The following BRINP2 variants were observed in gnomAD, a reference collection of about 807,000 sequenced individuals.
BRINP2 encodes BMP/retinoic acid-inducible neural-specific protein 2.
In BRINP2, 21 loss-of-function variants were observed where a neutral mutation model predicts 69.2. The observed-to-expected ratio is 0.30, with a 90% CI of 0.22 to 0.44. The LOEUF (loss-of-function observed/expected upper bound fraction) is 0.44. BRINP2 is among the 20% of genes least tolerant of loss of function. The pLI is 1.00. For synonymous variants in BRINP2, 380 were observed against 394.1 expected, an observed-to-expected ratio of 0.96 and a Z score of 0.42; for missense variants, 877 against 986.0, an observed-to-expected ratio of 0.89 and a Z score of 1.48.
At chr1:177,214,170 G>A (rs1238722527) in intron 1 of BRINP2, among the ~76,000 whole-genome samples, 5 of 152,186 alleles carry the variant, frequency 3.3e-5, no homozygotes, top group African/African-American at 1.2e-4. Context: ...GGTAGCTCAT[G>A]CCTGTAATCC....
At chr1:177,253,705 T>C (rs1650658532) in intron 2 of BRINP2, among the ~76,000 whole-genome samples, 1 of 152,162 alleles carries the variant, frequency 6.6e-6, no homozygotes, top group Non-Finnish European at 1.5e-5. Flanking sequence ...TTTGAGCTGA[T>C]TTTTGTACAT....
At chr1:177,275,197 C>T (rs745539941) in intron 5 of BRINP2, 150 of 456,160 alleles carry the variant, frequency 3.3e-4, no homozygotes, top group Admixed American at 2.6e-3. Flanking sequence ...TTCCAGCAGC[C>T]GCCTTGTGAG....
intron 1 of BRINP2, among the ~76,000 whole-genome samples, chr1:177,176,816 G>A (rs1463374145): frequency 1.3e-5 from 2 of 152,142 alleles, no homozygotes; most frequent in Non-Finnish European, 1.5e-5. Context: ...CCTTTGGGAA[G>A]CATTACAGCT....
intron 2 of BRINP2, among the ~76,000 whole-genome samples, chr1:177,246,534 C>T (rs1650389078): frequency 2.0e-5 from 3 of 152,178 alleles, no homozygotes; most frequent in Admixed American, 6.5e-5. Context: ...GACAACTGTT[C>T]GGAGAATAAT....
intron 1 of BRINP2, among the ~76,000 whole-genome samples, chr1:177,213,823 T>C (rs1221246555): frequency 1.3e-5 from 2 of 152,230 alleles, no homozygotes; most frequent in East Asian, 3.9e-4. Context: ...CTTTCTTCTA[T>C]TTTATGTCCT....
At chr1:177,174,444 G>A (rs1174678334) in intron 1 of BRINP2, among the ~76,000 whole-genome samples, 2 of 152,178 alleles carry the variant, frequency 1.3e-5, no homozygotes, top group Admixed American at 1.3e-4. Flanking sequence ...AGGAAACTAG[G>A]CTCCCATCTG....
intron 1 of BRINP2, among the ~76,000 whole-genome samples, chr1:177,218,595 A>G (rs1028590257): frequency 6.6e-6 from 1 of 152,034 alleles, no homozygotes; most frequent in Non-Finnish European, 1.5e-5. Flanking sequence ...CCCATTTCCA[A>G]TGAGGTGAGA....
At chr1:177,189,225 A>G (rs1450232914) in intron 1 of BRINP2, among the ~76,000 whole-genome samples, 4 of 152,146 alleles carry the variant, frequency 2.6e-5, no homozygotes, top group African/African-American at 9.7e-5. Context: ...CAAAAACTGT[A>G]AGTAAGGAAG....
Position 177,280,622 on chromosome 1 carries a change from G to A in BRINP2, c.1446G>A (p.Pro482=), listed in dbSNP as rs752252564. The change falls in exon 8 of 8, where the codon CCG becomes CCA. Residue 482 remains proline, a synonymous_variant. Transcript: ENST00000361539. ...DNSTRCGSCN[P]GYVLAQGLCR... Reference sequence around the variant, plus strand: ...GCACACGCTGTGGGAGCTGCAACCCGGGCTATGTGCTGGCCCAGGGGCTGT... The same window carrying A: ...GCACACGCTGTGGGAGCTGCAACCCAGGCTATGTGCTGGCCCAGGGGCTGT... 2.1e-5 allele frequency: 34 copies of A among 1,614,012 alleles called. No homozygotes were observed. Among genetic ancestry groups the A allele is most frequent in the African/African-American group, 8.0e-5 (6 of 74,940 alleles).
intron 1 of BRINP2, among the ~76,000 whole-genome samples, chr1:177,180,783 T>A (rs979713831): frequency 6.6e-6 from 1 of 152,188 alleles, no homozygotes. Context: ...CAGAAGTTCT[T>A]TAAAAAGCAA....
At chr1:177,182,047 G>A (rs1257489195) in intron 1 of BRINP2, among the ~76,000 whole-genome samples, 2 of 152,162 alleles carry the variant, frequency 1.3e-5, no homozygotes, top group Non-Finnish European at 2.9e-5. Flanking sequence ...AATGGGGAGG[G>A]ACAGTTGCAT....
chr1:177,237,176 G>A (rs531124892), intron 2 of BRINP2, among the ~76,000 whole-genome samples: 1 of 152,066 alleles, frequency 6.6e-6, no homozygotes, highest in African/African-American at 2.4e-5. Flanking sequence ...TCAGGGTAAG[G>A]TTACCACACC....
intron 2 of BRINP2, among the ~76,000 whole-genome samples, chr1:177,251,616 G>T (rs1388554040): frequency 6.6e-6 from 1 of 152,110 alleles, no homozygotes; most frequent in Non-Finnish European, 1.5e-5. Context: ...GGAGGGCCAG[G>T]ACACTAGCTT....
intron 7 of BRINP2, 88 bp from the exon 8 acceptor site, chr1:177,280,324 C>T: frequency 7.6e-7 from 1 of 1,311,040 alleles, no homozygotes; most frequent in Non-Finnish European, 1.1e-6. Flanking sequence ...CCTTCCACGC[C>T]TAGTGGTCAA....
chr1:177,194,325 C>G (rs1270921539), intron 1 of BRINP2, among the ~76,000 whole-genome samples: 2 of 152,208 alleles, frequency 1.3e-5, no homozygotes, highest in East Asian at 1.9e-4. Context: ...CTGGTTCCTT[C>G]TATGAATAGG....
chr1:177,235,168 C>A lies in BRINP2; in HGVS notation c.269+5023C>A, dbSNP rs371265374. 2.0e-5 allele frequency among the ~76,000 whole-genome samples: 3 copies of A among 152,272 alleles called. No homozygotes were observed. In the East Asian group the frequency reaches 5.8e-4, roughly 29 times the overall value. ...TAAAAATCCAGAACGTCAGGCCTCT[C>A]CCCAGACCTAAGGAATGAAAATCTG... On this transcript the variant is annotated intron_variant, in intron 2 of 7. Transcript: ENST00000361539.
chr1:177,212,820 C>T (rs1255590059), intron 1 of BRINP2, among the ~76,000 whole-genome samples: 2 of 152,146 alleles, frequency 1.3e-5, no homozygotes, highest in Non-Finnish European at 2.9e-5. Context: ...TGCCACAGTT[C>T]TATAATCATC....
intron 1 of BRINP2, among the ~76,000 whole-genome samples, chr1:177,220,702 C>T (rs947444121): frequency 7.2e-5 from 11 of 152,092 alleles, no homozygotes; most frequent in East Asian, 3.9e-4. Flanking sequence ...GATGGACATG[C>T]GGAGACTGGG....
intron 5 of BRINP2, among the ~76,000 whole-genome samples, chr1:177,273,942 A>C (rs1173922838): frequency 6.6e-6 from 1 of 152,198 alleles, no homozygotes; most frequent in African/African-American, 2.4e-5. Context: ...TTTCCCAGAA[A>C]ACCCTCTGCT....
Sources: gnomAD v4.1 joint callset for allele counts (sites outside exome capture counted in the v4.1 genomes callset) on GRCh38, gnomAD v4.1.1 for gene constraint, MANE v1.5 for transcripts, NCBI Gene and HGNC (gene_info 2026-07-23, HGNC 2026-07-21) for gene names.